Variants in HPSE2 observed in about 807,000 individuals in gnomAD.
HPSE2 encodes heparanase 2 (inactive).
Under a neutral mutation model 60.5 loss-of-function variants are expected in HPSE2, and 38 were observed. The ratio of observed to expected loss-of-function variants is 0.63; its 90% CI spans 0.48 to 0.82. The LOEUF (loss-of-function observed/expected upper bound fraction) is 0.82, where lower values mean the gene tolerates loss of function less well. HPSE2 is among the 40% of genes least tolerant of loss of function. The pLI is 0.00. For synonymous variants in HPSE2, 295 were observed against 293.2 expected, an observed-to-expected ratio of 1.01 and a Z score of -0.06; for missense variants, 713 against 740.4, an observed-to-expected ratio of 0.96 and a Z score of 0.43.
chr10:99,216,814 C>A (rs1174523920), intron 2 of HPSE2, among the ~76,000 whole-genome samples: 1 of 152,106 alleles, frequency 6.6e-6, no homozygotes, highest in East Asian at 1.9e-4. Context: ...GCTATCTTAT[C>A]ATTTCTCATC....
Position 99,214,372 on chromosome 10 carries a change from G to A in HPSE2, c.448+17976C>T, listed in dbSNP as rs568178987. ...CTCCTTGGTATATACTCAAGAGAAGGGAAAACATATGTCCATACAAAAACT... is the reference window on the plus strand; with the variant it reads ...CTCCTTGGTATATACTCAAGAGAAGAGAAAACATATGTCCATACAAAAACT... On this transcript the variant is annotated intron_variant, in intron 2 of 11. Coordinates refer to ENST00000370552, the MANE Select transcript of HPSE2 (RefSeq NM_021828.5). Among the ~76,000 whole-genome samples the A allele has an allele frequency of 2.1e-4, 32 of 152,168 alleles. 1 individual carries two copies. In the East Asian group the frequency reaches 2.5e-3, roughly 12 times the overall value.
chr10:98,459,151 G>GA lies in HPSE2; in HGVS notation c.*422_*423insT, dbSNP rs984824957. 2.5e-4 allele frequency: 62 copies of GA among 250,362 alleles called. No homozygotes were observed. The highest frequency in any genetic ancestry group is 1.3e-3 in the African/African-American group (61 of 45,316). The allele number at this position is 250,362 out of a possible 1,614,324, so 15.5% of individuals were successfully genotyped here. A position where few individuals can be genotyped will look rare whatever the true frequency, so the allele number is the denominator to read the frequency against. On this transcript the variant is annotated 3_prime_UTR_variant, in exon 12 of 12. Transcript: ENST00000370552. Reference sequence around the variant, plus strand: ...GGATGGGTTTTTGTAGGTCCACCCAGTTTTTTTCCTTCCTCATCTTCCTCT... The same window carrying GA: ...GGATGGGTTTTTGTAGGTCCACCCAGATTTTTTTCCTTCCTCATCTTCCTCT...
At chr10:98,738,031 C>T (rs1282845062) in intron 4 of HPSE2, among the ~76,000 whole-genome samples, 1 of 152,168 alleles carries the variant, frequency 6.6e-6, no homozygotes, top group African/African-American at 2.4e-5. Flanking sequence ...TCAAGACAAT[C>T]TAAGCAAAAA....
intron 3 of HPSE2, among the ~76,000 whole-genome samples, chr10:98,750,293 G>A (rs1267386704): frequency 6.6e-6 from 1 of 152,100 alleles, no homozygotes; most frequent in African/African-American, 2.4e-5. Context: ...GAATGAGAGG[G>A]AGAGCAGTAG....
chr10:98,720,502 T>TATACTA (rs1165117962), intron 5 of HPSE2, among the ~76,000 whole-genome samples: 1 of 152,146 alleles, frequency 6.6e-6, no homozygotes, highest in Non-Finnish European at 1.5e-5. Context: ...GGGAAAAAGA[T>TATACTA]ATACTAATAC....
chr10:99,272,146 C>A, the HPSE2 span, among the ~76,000 whole-genome samples: 2 of 152,186 alleles, frequency 1.3e-5, no homozygotes, highest in Non-Finnish European at 2.9e-5. Flanking sequence ...TGGCAGACGC[C>A]TGTAATCCCA....
At chr10:99,220,143 T>C (rs1849259848) in intron 2 of HPSE2, among the ~76,000 whole-genome samples, 2 of 152,200 alleles carry the variant, frequency 1.3e-5, no homozygotes, top group African/African-American at 4.8e-5. Context: ...TTTGTGACAC[T>C]TACCCAAAGA....
chr10:99,279,460 T>C, the HPSE2 span, among the ~76,000 whole-genome samples: 1 of 152,238 alleles, frequency 6.6e-6, no homozygotes, highest in Non-Finnish European at 1.5e-5. Flanking sequence ...CTAAGAGAGA[T>C]TCCTAAATTG....
At chr10:98,653,374 A>G (rs1220773423) in intron 6 of HPSE2, among the ~76,000 whole-genome samples, 2 of 151,380 alleles carry the variant, frequency 1.3e-5, no homozygotes, top group African/African-American at 4.9e-5. Context: ...GTTAGGATTA[A>G]TATCTATTAT....
At chr10:99,133,405 G>A (rs1393623859) in intron 3 of HPSE2, among the ~76,000 whole-genome samples, 3 of 152,198 alleles carry the variant, frequency 2.0e-5, no homozygotes, top group South Asian at 2.1e-4. Context: ...TCAGACTGCC[G>A]CCTCAAGTGG....
intron 11 of HPSE2, among the ~76,000 whole-genome samples, chr10:98,478,933 T>C (rs1387394422): frequency 2.0e-5 from 3 of 152,180 alleles, no homozygotes; most frequent in East Asian, 3.9e-4. Flanking sequence ...GGTCTTACGA[T>C]TGGTTCATTC....
rs1845154555 is a variant in HPSE2 at position 99,126,109 on chromosome 10, G to A, written c.610+18129C>T. On this transcript the variant is annotated intron_variant, in intron 3 of 11. Transcript: ENST00000370552. This position sits in a 1 kb window ranked among gnomAD's most constrained non-coding sequence, Gnocchi z 4.0. ...AGGGAAGCTTACGACCTGGTGCAAG[G>A]TCTGAGTGAGGCACTGCAGGAACAA... Among the ~76,000 whole-genome samples, 1 of 152,146 alleles carries A rather than the reference G, an allele frequency of 6.6e-6. No individual in the cohort carries two copies.
the HPSE2 span, among the ~76,000 whole-genome samples, chr10:99,286,585 G>T: frequency 6.6e-6 from 1 of 152,124 alleles, no homozygotes; most frequent in Non-Finnish European, 1.5e-5. Context: ...TCAGTATGGG[G>T]TGATGAAAAA....
intron 5 of HPSE2, among the ~76,000 whole-genome samples, chr10:98,721,441 C>T (rs910537913): frequency 2.6e-5 from 4 of 152,024 alleles, no homozygotes; most frequent in Non-Finnish European, 5.9e-5. Flanking sequence ...ATACCTTCCC[C>T]ATCCCACCAC....
At chr10:99,171,520 G>A (rs1430185755) in intron 2 of HPSE2, among the ~76,000 whole-genome samples, 1 of 152,046 alleles carries the variant, frequency 6.6e-6, no homozygotes, top group Admixed American at 6.5e-5. Context: ...GAAGCTCTAG[G>A]ATTATCCCAA....
chr10:98,938,728 C>T (rs1181926140), intron 3 of HPSE2, among the ~76,000 whole-genome samples: 2 of 143,448 alleles, frequency 1.4e-5, no homozygotes, highest in African/African-American at 5.7e-5. Context: ...TCAGGAAATA[C>T]AGAGAACGCC....
chr10:98,476,780 A>G (rs1941040623), intron 11 of HPSE2, among the ~76,000 whole-genome samples: 1 of 151,962 alleles, frequency 6.6e-6, no homozygotes, highest in Non-Finnish European at 1.5e-5. Context: ...ACAGGGTGGG[A>G]GTCTGTCTAA....
intron 5 of HPSE2, among the ~76,000 whole-genome samples, chr10:98,720,523 TG>T (rs1395567087): frequency 6.6e-6 from 1 of 152,150 alleles, no homozygotes; most frequent in Non-Finnish European, 1.5e-5. Flanking sequence ...ATTGCTGCCC[TG>T]AAACCTGATG....
intron 3 of HPSE2, among the ~76,000 whole-genome samples, chr10:99,093,387 A>T (rs1283610418): frequency 6.6e-6 from 1 of 152,208 alleles, no homozygotes. Flanking sequence ...AATTTTGAAT[A>T]AATTTTTACA....
Sources: gnomAD v4.1 joint callset for allele counts (sites outside exome capture counted in the v4.1 genomes callset) on GRCh38, gnomAD v4.1.1 for gene constraint, Gnocchi (gnomAD v3.1) non-coding constraint, MANE v1.5 for transcripts, NCBI Gene and HGNC (gene_info 2026-07-23, HGNC 2026-07-21) for gene names.